CNTNAP2: variants seen among roughly 807,000 people sequenced by gnomAD.
The protein encoded by CNTNAP2 is contactin associated protein 2, also known as contactin-associated protein-like 2.
Under a neutral mutation model 155.2 loss-of-function variants are expected in CNTNAP2, and 98 were observed. The observed-to-expected ratio is 0.63, with a 90% CI of 0.54 to 0.75. The LOEUF (loss-of-function observed/expected upper bound fraction) is 0.75. CNTNAP2 is among the 30% of genes least tolerant of loss of function. The pLI, the probability that CNTNAP2 is intolerant of heterozygous loss-of-function variation, is 0.00. For synonymous variants in CNTNAP2, 651 were observed against 631.2 expected (o/e 1.03, Z -0.47); for missense variants, 1,727 against 1,688.1 (o/e 1.02, Z -0.40).
intron 12 of CNTNAP2, among the ~76,000 whole-genome samples, chr7:147,599,303 C>CCTGT (rs2116856989): frequency 6.6e-6 from 1 of 151,476 alleles, no homozygotes; most frequent in Non-Finnish European, 1.5e-5. Context: ...ATGGAGAAAC[C>CCTGT]CTGTCTCTAC....
At chr7:146,459,117 T>C (rs960188751) in intron 1 of CNTNAP2, among the ~76,000 whole-genome samples, 2 of 152,166 alleles carry the variant, frequency 1.3e-5, no homozygotes, top group African/African-American at 2.4e-5. Context: ...ATTCCTACCA[T>C]GTAATGGAGA....
chr7:146,947,553 G>GTATATATA (rs767656171), intron 3 of CNTNAP2, among the ~76,000 whole-genome samples: 48 of 104,782 alleles, frequency 4.6e-4, no homozygotes, highest in Non-Finnish European at 6.4e-4. Context: ...ATGTGTGTGT[G>GTATATATA]TGTGTATATA....
At chr7:146,364,379 A>T (rs1795126445) in intron 1 of CNTNAP2, among the ~76,000 whole-genome samples, 1 of 152,182 alleles carries the variant, frequency 6.6e-6, no homozygotes, top group Admixed American at 6.5e-5. Context: ...CTCACTGCTG[A>T]CAGAGTTTCG....
At chr7:147,878,227 C>A (rs1305463296) in intron 13 of CNTNAP2, among the ~76,000 whole-genome samples, 2 of 151,294 alleles carry the variant, frequency 1.3e-5, no homozygotes, top group African/African-American at 4.9e-5. Context: ...TCTATTTGTA[C>A]AGTGCCTAAA....
rs550932355 is a variant in CNTNAP2 at position 146,804,576 on chromosome 7, T to A, written c.208+30195T>A. Among the ~76,000 whole-genome samples the A allele has an allele frequency of 2.6e-5, 4 of 152,278 alleles. No individual in the cohort carries two copies. In the East Asian group the frequency reaches 5.8e-4, roughly 22 times the overall value. ...AGTATGAGATGTTAGTCCTATCACA[T>A]CCTTTGTTGTATGAGGATAAATATA... On this transcript the variant is annotated intron_variant, in intron 2 of 23. Coordinates refer to ENST00000361727, the MANE Select transcript of CNTNAP2 (RefSeq NM_014141.6).
intron 13 of CNTNAP2, among the ~76,000 whole-genome samples, chr7:147,775,350 T>TGA (rs1563084647): frequency 1.4e-4 from 5 of 35,908 alleles, no homozygotes; most frequent in African/African-American, 3.0e-4. Flanking sequence ...TATATATATT[T>TGA]ATATATATTT....
At chr7:147,466,336 A>G (rs1437358999) in intron 10 of CNTNAP2, among the ~76,000 whole-genome samples, 1 of 152,212 alleles carries the variant, frequency 6.6e-6, no homozygotes, top group Non-Finnish European at 1.5e-5. Context: ...TATACAATAT[A>G]TCAATTGTAT....
chr7:147,574,018 C>G (rs1800343787), intron 12 of CNTNAP2, among the ~76,000 whole-genome samples: 1 of 152,046 alleles, frequency 6.6e-6, no homozygotes, highest in African/African-American at 2.4e-5. Flanking sequence ...GCTGGGTGTT[C>G]ACTTTAACAT....
intron 13 of CNTNAP2, among the ~76,000 whole-genome samples, chr7:147,827,304 G>T (rs1405623775): frequency 2.6e-5 from 4 of 152,072 alleles, no homozygotes; most frequent in Non-Finnish European, 5.9e-5. Flanking sequence ...CCCTCTGCAT[G>T]GTGTCAAGCA....
rs1344398836 is a variant in CNTNAP2, at chr7:146,747,393, A to C, written c.98-26878A>C. The stretch of plus-strand genomic sequence containing the variant: ...TCCATTACATCCTATCTCTGTGTAC[A>C]TGTGCTTTACTACGGAAAGAATTTG... On this transcript the variant is annotated intron_variant, in intron 1 of 23. Coordinates refer to ENST00000361727, the MANE Select transcript of CNTNAP2 (RefSeq NM_014141.6). 2.6e-5 allele frequency among the ~76,000 whole-genome samples: 4 copies of C among 152,178 alleles called. No homozygotes were observed. In the East Asian group the frequency reaches 7.7e-4, roughly 29 times the overall value.
At chr7:148,265,116 TA>T (rs1796644946) in intron 20 of CNTNAP2, among the ~76,000 whole-genome samples, 1 of 152,216 alleles carries the variant, frequency 6.6e-6, no homozygotes, top group Non-Finnish European at 1.5e-5. Context: ...AGAGAGTAAG[TA>T]AACAGAAGTG....
intron 3 of CNTNAP2, among the ~76,000 whole-genome samples, chr7:146,930,450 G>A (rs1302165568): frequency 6.6e-6 from 1 of 152,112 alleles, no homozygotes; most frequent in African/African-American, 2.4e-5. Context: ...ACTAAACATG[G>A]AAAGGAACAA....
At chr7:146,781,787 C>CT (rs1310329065) in intron 2 of CNTNAP2, among the ~76,000 whole-genome samples, 1 of 152,118 alleles carries the variant, frequency 6.6e-6, no homozygotes, top group Non-Finnish European at 1.5e-5. Flanking sequence ...TTGCTCTCCT[C>CT]TTTTTGCCTT....
intron 13 of CNTNAP2, among the ~76,000 whole-genome samples, chr7:147,860,858 G>T (rs1186042099): frequency 6.6e-6 from 1 of 152,166 alleles, no homozygotes; most frequent in Non-Finnish European, 1.5e-5. Context: ...TGTCCAGCCT[G>T]AATTAAAGTG....
At chr7:147,929,192 C>T (rs895006566) in intron 14 of CNTNAP2, among the ~76,000 whole-genome samples, 2 of 147,758 alleles carry the variant, frequency 1.4e-5, no homozygotes, top group Non-Finnish European at 3.0e-5. Flanking sequence ...TCCATAGAGG[C>T]AAGATAGAGC....
intron 3 of CNTNAP2, among the ~76,000 whole-genome samples, chr7:147,041,376 A>AT (rs970683961): frequency 1.6e-4 from 25 of 152,148 alleles, no homozygotes; most frequent in African/African-American, 5.5e-4. Context: ...AAGGAAAAGT[A>AT]TTTTTTTTAA....
At chr7:147,116,919 C>T (rs544114769) in intron 5 of CNTNAP2, among the ~76,000 whole-genome samples, 2 of 152,322 alleles carry the variant, frequency 1.3e-5, no homozygotes, top group South Asian at 4.1e-4. Context: ...CTCTCCAAAG[C>T]CCACAGGCTG....
chr7:148,411,795 A>AAC (rs386411617), intron 23 of CNTNAP2, among the ~76,000 whole-genome samples: 1 of 151,430 alleles, frequency 6.6e-6, no homozygotes, highest in Non-Finnish European at 1.5e-5. Flanking sequence ...AAAAAAAAAA[A>AAC]ACTATACTTT....
chr7:146,950,347 C>T (rs1356207058), intron 3 of CNTNAP2, among the ~76,000 whole-genome samples: 1 of 151,906 alleles, frequency 6.6e-6, no homozygotes. Flanking sequence ...GATACATGTG[C>T]AGGTTTGTTA....
Sources: allele counts gnomAD v4.1 joint callset (sites outside exome capture counted in the v4.1 genomes callset), GRCh38; gene constraint gnomAD v4.1.1; transcripts MANE v1.5; gene names NCBI Gene and HGNC (gene_info 2026-07-23, HGNC 2026-07-21).